Variants in NDRG3 observed in about 807,000 individuals in gnomAD.
NDRG3 encodes NDRG family member 3.
NDRG3 carries 23 observed loss-of-function variants against 57.2 expected under a neutral mutation model. The ratio of observed to expected loss-of-function variants is 0.40; its 90% confidence interval spans 0.29 to 0.57. The LOEUF (loss-of-function observed/expected upper bound fraction) is 0.57. Among genes scored for constraint, NDRG3 ranks in the 20% least tolerant of loss-of-function variants. NDRG3 has a pLI of 0.42. For synonymous variants in NDRG3, 132 were observed against 162.6 expected (o/e 0.81, Z 1.43); for missense variants, 384 against 457.3 (o/e 0.84, Z 1.46).
chr20:36,742,626 T>C (rs1258341254), intron 1 of NDRG3, among the ~76,000 whole-genome samples: 2 of 152,232 alleles, frequency 1.3e-5, no homozygotes, highest in Non-Finnish European at 2.9e-5. Context: ...CATACAATTT[T>C]ATGAAACACC....
At chr20:36,678,813 A>T (rs1980987517) in intron 8 of NDRG3, among the ~76,000 whole-genome samples, 1 of 152,246 alleles carries the variant, frequency 6.6e-6, no homozygotes, top group African/African-American at 2.4e-5. Context: ...TAATATCACA[A>T]ATAAAACTGC....
intron 3 of NDRG3, among the ~76,000 whole-genome samples, chr20:36,693,163 T>C (rs1433542533): frequency 7.1e-5 from 8 of 113,342 alleles, no homozygotes; most frequent in African/African-American, 1.0e-4. Flanking sequence ...CATATACACA[T>C]ATATATATAC....
At chr20:36,655,882 T>G (rs1481489603) in intron 15 of NDRG3, among the ~76,000 whole-genome samples, 7 of 152,122 alleles carry the variant, frequency 4.6e-5, no homozygotes, top group Non-Finnish European at 8.8e-5. Context: ...ACGCATGTAA[T>G]CCCAGCACTT....
chr20:36,744,967 A>AG (rs34122149), intron 1 of NDRG3, among the ~76,000 whole-genome samples: 3,786 of 65,248 alleles, frequency 0.058, 424 homozygotes, highest in South Asian at 0.13. Context: ...GGCCAGGGTA[A>AG]GGGGGGGGGG....
intron 11 of NDRG3, 61 bp downstream of exon 11, chr20:36,665,175 G>A: frequency 1.2e-6 from 2 of 1,606,996 alleles, no homozygotes; most frequent in South Asian, 1.1e-5. Context: ...GTCTATGAAA[G>A]TCTATGAACA....
intron 3 of NDRG3, among the ~76,000 whole-genome samples, chr20:36,698,296 C>T (rs550552863): frequency 2.8e-4 from 42 of 151,254 alleles, no homozygotes; most frequent in East Asian, 2.6e-3. Context: ...TACAAATCTC[C>T]GGAAGCTTTC....
At chr20:36,728,722 G>T (rs1417002905) in intron 1 of NDRG3, among the ~76,000 whole-genome samples, 19 of 151,608 alleles carry the variant, frequency 1.3e-4, no homozygotes, top group Non-Finnish European at 2.5e-4. Context: ...TGGTTTTTTT[G>T]TTTTTTTGGG....
chr20:36,700,434 CCTCCATGGTGA>C (rs750103667), intron 3 of NDRG3: 4 of 532,164 alleles, frequency 7.5e-6, no homozygotes, highest in South Asian at 4.2e-5. Flanking sequence ...GAAGCACTCA[CCTCCATGGTGA>C]TTGGCATGCA....
At chr20:36,681,032 A>C (rs1981242273) in intron 7 of NDRG3, 130 bp from the exon 8 acceptor site, 2 of 679,254 alleles carry the variant, frequency 2.9e-6, no homozygotes, top group Non-Finnish European at 5.0e-6. Flanking sequence ...GACTACAAAG[A>C]GGGAGAACAT....
At chr20:36,671,510 G>A in intron 8 of NDRG3, 113 bp from the exon 9 acceptor site, 1 of 811,708 alleles carries the variant, frequency 1.2e-6, no homozygotes, top group Admixed American at 2.6e-5. Context: ...AAAAACAAAT[G>A]AAAAACCCTT....
chr20:36,732,562 G>A (rs970105828), intron 1 of NDRG3, among the ~76,000 whole-genome samples: 7 of 152,122 alleles, frequency 4.6e-5, no homozygotes, highest in African/African-American at 1.7e-4. Context: ...GGAAAAGATT[G>A]GGCAGGATGA....
chr20:36,697,665 G>A (rs984620919), intron 3 of NDRG3, among the ~76,000 whole-genome samples: 1 of 150,526 alleles, frequency 6.6e-6, no homozygotes, highest in African/African-American at 2.4e-5. Context: ...CCAAGACCGT[G>A]CCATCGCACT....
intron 1 of NDRG3, among the ~76,000 whole-genome samples, chr20:36,725,926 CTT>C (rs35120120): frequency 4.1e-4 from 51 of 123,594 alleles, no homozygotes; most frequent in South Asian, 1.3e-3. Context: ...CCTAGTGTTC[CTT>C]TTTTTTTTTT....
chr20:36,679,212 G>C (rs1981027107), intron 8 of NDRG3, among the ~76,000 whole-genome samples: 1 of 152,084 alleles, frequency 6.6e-6, no homozygotes, highest in Non-Finnish European at 1.5e-5. Flanking sequence ...TCCCACCTCG[G>C]CCTCCCAAAG....
At chr20:36,712,276 G>A (rs1334229789) in intron 2 of NDRG3, among the ~76,000 whole-genome samples, 1 of 151,504 alleles carries the variant, frequency 6.6e-6, no homozygotes, top group African/African-American at 2.4e-5. Flanking sequence ...GATTAACTGA[G>A]GCCATATTAT....
chr20:36,662,787 T>C lies in NDRG3; in HGVS notation c.810+2259A>G, dbSNP rs556532265. Among the ~76,000 whole-genome samples the C allele has an allele frequency of 1.5e-3, 226 of 152,314 alleles. 4 individuals carry two copies. The South Asian group carries it at 0.039, about 27-fold the overall frequency. On this transcript the variant is annotated intron_variant, in intron 12 of 15. Transcript: ENST00000349004. ...TATGAAAGAGCATCTACTTGTGGTA[T>C]AGACAGGGCTCCAGAATTCTCATAA... is the stretch of plus-strand genomic sequence containing the variant.
At chr20:36,661,759 A>G (rs925990023) in intron 12 of NDRG3, among the ~76,000 whole-genome samples, 1 of 152,192 alleles carries the variant, frequency 6.6e-6, no homozygotes, top group African/African-American at 2.4e-5. Flanking sequence ...GTTGTTTTTA[A>G]GAGAGCAGTG....
At chr20:36,695,456 G>C (rs745524417) in intron 3 of NDRG3, among the ~76,000 whole-genome samples, 2 of 152,164 alleles carry the variant, frequency 1.3e-5, no homozygotes, top group African/African-American at 4.8e-5. Context: ...CAATATCGCT[G>C]AATTCTTTCC....
At chr20:36,708,647 C>CA (rs746647555) in intron 2 of NDRG3, among the ~76,000 whole-genome samples, 11,693 of 61,540 alleles carry the variant, frequency 0.19, 755 homozygotes, top group Non-Finnish European at 0.25. Flanking sequence ...GACTCCGTCT[C>CA]AAAAAAAAAA....
Sources: allele counts gnomAD v4.1 joint callset (sites outside exome capture counted in the v4.1 genomes callset), GRCh38; gene constraint gnomAD v4.1.1; transcripts MANE v1.5; gene names NCBI Gene and HGNC (gene_info 2026-07-23, HGNC 2026-07-21).